Variants in CHD1L observed in about 807,000 individuals in gnomAD.
CHD1L encodes chromodomain helicase DNA binding protein 1 like.
CHD1L carries 118 observed loss-of-function variants against 115.9 expected under a neutral mutation model. The ratio of observed to expected loss-of-function variants is 1.02; its 90% CI spans 0.88 to 1.19. CHD1L has a LOEUF of 1.19. CHD1L is among the 50% of genes most tolerant of loss of function. The pLI, the probability that CHD1L is intolerant of heterozygous loss-of-function variation, is 0.00. For missense variants in CHD1L, 1,179 were observed against 1,065.3 expected, an observed-to-expected ratio of 1.11 and a Z score of -1.49; for synonymous variants, 411 against 387.1, an observed-to-expected ratio of 1.06 and a Z score of -0.72.
chr1:147,175,827 C>G, the CHD1L span: 2 of 151,812 alleles, frequency 1.3e-5, no homozygotes, highest in African/African-American at 2.4e-5. Context: ...TCGATACATA[C>G]AATAATATTG....
the CHD1L span, among the ~76,000 whole-genome samples, chr1:147,193,347 G>A: frequency 1.3e-5 from 2 of 152,054 alleles, no homozygotes; most frequent in African/African-American, 2.4e-5. Context: ...TGTGGGATCG[G>A]TGGTGATATC....
intron 3 of CHD1L, among the ~76,000 whole-genome samples, chr1:147,255,522 C>T (rs587719948): frequency 2.2e-4 from 33 of 152,238 alleles, no homozygotes; most frequent in South Asian, 4.1e-4. Flanking sequence ...CCACCGCGCC[C>T]GGCCTATTTT....
the CHD1L span, among the ~76,000 whole-genome samples, chr1:147,176,598 A>G: frequency 2.0e-5 from 3 of 152,206 alleles, no homozygotes; most frequent in Admixed American, 6.5e-5. Flanking sequence ...AAACTACTAC[A>G]ACTCTAAATA....
the CHD1L span, among the ~76,000 whole-genome samples, chr1:147,193,346 G>T: frequency 6.6e-6 from 1 of 151,906 alleles, no homozygotes; most frequent in Admixed American, 6.6e-5. Context: ...CTGTGGGATC[G>T]GTGGTGATAT....
intron 19 of CHD1L, among the ~76,000 whole-genome samples, chr1:147,289,865 G>A (rs1234274365): frequency 1.3e-5 from 2 of 152,194 alleles, no homozygotes; most frequent in Admixed American, 6.5e-5. Context: ...TTTCATCAGC[G>A]GCTTGGGCCA....
At chr1:147,291,435 T>C in intron 19 of CHD1L, 47 bp from the exon 20 acceptor site, 4 of 1,459,590 alleles carry the variant, frequency 2.7e-6, no homozygotes, top group Non-Finnish European at 3.8e-6. Context: ...ATTCATTCAT[T>C]AGTGAACTTG....
the CHD1L span, chr1:147,215,505 A>G: frequency 2.2e-6 from 1 of 446,168 alleles, no homozygotes; most frequent in Non-Finnish European, 4.0e-6. Flanking sequence ...AATAATGTGA[A>G]ATGAAGGTAA....
the CHD1L span, chr1:147,178,105 C>T: frequency 3.2e-6 from 5 of 1,559,486 alleles, no homozygotes; most frequent in Non-Finnish European, 4.3e-6. Context: ...CCCACCCCAC[C>T]TCGCCGCCAT....
chr1:147,273,972 A>G (rs1677282780), intron 12 of CHD1L, among the ~76,000 whole-genome samples: 1 of 152,230 alleles, frequency 6.6e-6, no homozygotes, highest in Admixed American at 6.5e-5. Context: ...ATTTATAAAA[A>G]TCTCACCCCT....
intron 8 of CHD1L, among the ~76,000 whole-genome samples, chr1:147,266,458 T>C (rs1404022332): frequency 1.3e-5 from 2 of 152,200 alleles, no homozygotes; most frequent in East Asian, 3.9e-4. Flanking sequence ...AGTCTGAAAA[T>C]ATTAAATGAA....
the CHD1L span, among the ~76,000 whole-genome samples, chr1:147,192,274 T>C: frequency 2.0e-5 from 3 of 152,106 alleles, no homozygotes; most frequent in African/African-American, 7.3e-5. Flanking sequence ...TTTGAAGCAA[T>C]TGTGAATGGG....
the CHD1L span, among the ~76,000 whole-genome samples, chr1:147,177,877 C>G: frequency 6.6e-6 from 1 of 152,060 alleles, no homozygotes; most frequent in Non-Finnish European, 1.5e-5. Context: ...GAGTATGAAA[C>G]TTCTTTTTTT....
chr1:147,204,964 G>A, the CHD1L span: 147 of 1,335,056 alleles, frequency 1.1e-4, 1 homozygote, highest in Non-Finnish European at 1.4e-4. Flanking sequence ...TCACGTGACC[G>A]CTCAGAAGAC....
the CHD1L span, chr1:147,225,272 G>C: frequency 9.6e-7 from 1 of 1,046,068 alleles, no homozygotes. Context: ...GCTCTGCTGC[G>C]GTACCGGATC....
At chr1:147,216,021 GT>G in the CHD1L span, 2 of 1,102,466 alleles carry the variant, frequency 1.8e-6, no homozygotes, top group Non-Finnish European at 2.6e-6. Flanking sequence ...ATCTGAAAAA[GT>G]TTTCTGAAAG....
rs143518204 is a variant in CHD1L, at chr1:147,264,469, C to A, written c.624C>A (p.Asn208Lys). Residue 208 changes from asparagine (N) to lysine (K), a missense_variant, in exon 7 of 23, where the codon AAC becomes AAA. By Grantham distance (94) the Asn-to-Lys change is moderately conservative (BLOSUM62 0). Transcript: ENST00000369258. ...SLLLTGTPIQ[N>K]SLQELYSLLS... ...TGTTGACCGGAACTCCCATCCAGAACAGCCTCCAAGAGCTCTACTCCCTCC... is the reference window on the plus strand; with the variant it reads ...TGTTGACCGGAACTCCCATCCAGAAAAGCCTCCAAGAGCTCTACTCCCTCC... 1.2e-6 allele frequency: 2 copies of A among 1,613,586 alleles called. No homozygotes were observed. Among genetic ancestry groups the A allele is most frequent in the African/African-American group, 1.3e-5 (1 of 74,914 alleles).
At chr1:147,209,153 C>T in the CHD1L span, 5 of 930,320 alleles carry the variant, frequency 5.4e-6, no homozygotes, top group African/African-American at 1.6e-5. Context: ...GGCGCGGTGG[C>T]TCACGCCTGT....
At chr1:147,212,258 G>A in the CHD1L span, 183 of 856,260 alleles carry the variant, frequency 2.1e-4, 1 homozygote, top group South Asian at 3.9e-4. Flanking sequence ...GTAATGAAAC[G>A]AAGCCCTATA....
the CHD1L span, among the ~76,000 whole-genome samples, chr1:147,211,777 G>A: frequency 1.3e-5 from 2 of 152,184 alleles, no homozygotes; most frequent in African/African-American, 4.8e-5. Context: ...AAGCCAAGGA[G>A]ATATAATTGC....
Sources: gnomAD v4.1 joint callset for allele counts (sites outside exome capture counted in the v4.1 genomes callset) on GRCh38, gnomAD v4.1.1 for gene constraint, MANE v1.5 for transcripts, NCBI Gene and HGNC (gene_info 2026-07-23, HGNC 2026-07-21) for gene names.